The following MAP3K5 variants were observed in gnomAD, a reference collection of about 807,000 sequenced individuals.
MAP3K5 encodes mitogen-activated protein kinase kinase kinase 5, also known as ASK-1.
In MAP3K5, 56 loss-of-function variants were observed where a neutral mutation model predicts 158.7. That is an observed-to-expected ratio of 0.35 (90% confidence interval 0.28 to 0.44). MAP3K5 has a LOEUF of 0.44. Ranked by LOEUF, MAP3K5 falls within the 20% of genes least tolerant of loss-of-function variation. The pLI is 1.00. For synonymous variants in MAP3K5, 579 were observed against 601.7 expected, an observed-to-expected ratio of 0.96 and a Z score of 0.55; for missense variants, 1,294 against 1,674.8, an observed-to-expected ratio of 0.77 and a Z score of 3.97.
At chr6:136,674,433 G>C (rs891267487) in intron 7 of MAP3K5, among the ~76,000 whole-genome samples, 2 of 151,944 alleles carry the variant, frequency 1.3e-5, no homozygotes, top group African/African-American at 4.8e-5. Flanking sequence ...GTAATCTCTA[G>C]GGAATACTCA....
chr6:136,783,300 A>G (rs1784697279), intron 1 of MAP3K5, among the ~76,000 whole-genome samples: 1 of 148,694 alleles, frequency 6.7e-6, no homozygotes, highest in Non-Finnish European at 1.5e-5. Flanking sequence ...ACCCACAACT[A>G]CACAAACCAA....
chr6:136,668,227 T>C (rs1779313274), intron 8 of MAP3K5, among the ~76,000 whole-genome samples: 1 of 151,862 alleles, frequency 6.6e-6, no homozygotes, highest in African/African-American at 2.4e-5. Flanking sequence ...AAAAAAAAAT[T>C]TTTTTAATTA....
At position 136,659,007 on chromosome 6, in the gene MAP3K5, A is replaced by C. The variant is rs560355561; in HGVS notation, c.1526+212T>G. On this transcript the variant is annotated intron_variant, in intron 9 of 29. Coordinates refer to ENST00000359015, the MANE Select transcript of MAP3K5 (RefSeq NM_005923.4). ...CAGTGGGTTGGTCAATGTGCAGGAG[A>C]GGCTAAGTCAGGAACCTGCTGACAT... 1.9e-3 allele frequency among the ~76,000 whole-genome samples: 286 copies of C among 152,344 alleles called. 8 individuals carry two copies. The South Asian group carries it at 0.056, about 30-fold the overall frequency.
intron 13 of MAP3K5, 45 bp downstream of exon 13, chr6:136,639,498 A>G: frequency 9.6e-7 from 1 of 1,042,826 alleles, no homozygotes; most frequent in Non-Finnish European, 1.4e-6. Context: ...GAAAATAATG[A>G]TCAGGTAAGA....
intron 7 of MAP3K5, among the ~76,000 whole-genome samples, chr6:136,689,143 T>A (rs1389254551): frequency 6.6e-6 from 1 of 151,502 alleles, no homozygotes; most frequent in Non-Finnish European, 1.5e-5. Flanking sequence ...CTGCAAAAAA[T>A]TCAAAAATTA....
intron 25 of MAP3K5, among the ~76,000 whole-genome samples, chr6:136,570,233 G>C (rs542806763): frequency 1.5e-3 from 227 of 152,200 alleles, no homozygotes; most frequent in African/African-American, 5.0e-3. Flanking sequence ...AAATCCTCTA[G>C]GTACCTTTTT....
At chr6:136,594,017 A>G (rs1307060225) in intron 21 of MAP3K5, among the ~76,000 whole-genome samples, 1 of 152,190 alleles carries the variant, frequency 6.6e-6, no homozygotes, top group African/African-American at 2.4e-5. Flanking sequence ...CAGTAACTGG[A>G]AAGTCTCCCC....
intron 1 of MAP3K5, among the ~76,000 whole-genome samples, chr6:136,771,791 C>A (rs757462464): frequency 6.6e-6 from 1 of 152,230 alleles, no homozygotes; most frequent in Non-Finnish European, 1.5e-5. Context: ...GCCTACCCTG[C>A]AGCAGCTCTA....
At chr6:136,761,287 T>TAA (rs745482361) in intron 1 of MAP3K5, among the ~76,000 whole-genome samples, 38 of 68,170 alleles carry the variant, frequency 5.6e-4, no homozygotes, top group Non-Finnish European at 9.4e-4. Flanking sequence ...GACCCTAACT[T>TAA]TAAAAAAAAA....
At chr6:136,655,177 A>G (rs1778690335) in intron 10 of MAP3K5, among the ~76,000 whole-genome samples, 1 of 152,208 alleles carries the variant, frequency 6.6e-6, no homozygotes, top group Non-Finnish European at 1.5e-5. Flanking sequence ...GTTTCCTTTC[A>G]TAGCCAGTTT....
chr6:136,760,778 T>C (rs914080616), intron 1 of MAP3K5, among the ~76,000 whole-genome samples: 3 of 152,162 alleles, frequency 2.0e-5, no homozygotes, highest in African/African-American at 4.8e-5. Flanking sequence ...CAGACCAGGC[T>C]GGTCAATGTG....
chr6:136,632,388 A>T (rs926188814), intron 14 of MAP3K5, among the ~76,000 whole-genome samples: 9 of 152,104 alleles, frequency 5.9e-5, no homozygotes, highest in African/African-American at 2.2e-4. Context: ...ATGGTGGTGC[A>T]TGCCTGTAGT....
At position 136,660,204 on chromosome 6, in the gene MAP3K5, T is replaced by A. The variant is rs1778945286; in HGVS notation, c.1367-826A>T. Among the ~76,000 whole-genome samples the A allele has an allele frequency of 5.3e-5, 8 of 152,274 alleles. No individual in the cohort carries two copies. In the South Asian group the frequency reaches 1.7e-3, roughly 32 times the overall value. ...ATACAGTATATATATTTCGCAAGAATAAAATGCTATAATAACTTTAGACAC... is the reference window on the plus strand; with the variant it reads ...ATACAGTATATATATTTCGCAAGAAAAAAATGCTATAATAACTTTAGACAC... On this transcript the variant is annotated intron_variant, in intron 8 of 29. Coordinates refer to ENST00000359015, the MANE Select transcript of MAP3K5 (RefSeq NM_005923.4).
intron 13 of MAP3K5, among the ~76,000 whole-genome samples, chr6:136,639,268 T>C (rs1449880447): frequency 6.6e-6 from 1 of 152,156 alleles, no homozygotes; most frequent in Non-Finnish European, 1.5e-5. Flanking sequence ...ACTTAAAATA[T>C]GAGTTATAAT....
intron 2 of MAP3K5, among the ~76,000 whole-genome samples, chr6:136,714,841 G>A (rs551478665): frequency 6.6e-6 from 1 of 152,058 alleles, no homozygotes; most frequent in Non-Finnish European, 1.5e-5. Flanking sequence ...ATTTTGGTTT[G>A]TGCACCTAAG....
At chr6:136,753,744 T>C (rs1783326314) in intron 1 of MAP3K5, among the ~76,000 whole-genome samples, 1 of 152,136 alleles carries the variant, frequency 6.6e-6, no homozygotes, top group Non-Finnish European at 1.5e-5. Context: ...AGGTAGCTTA[T>C]CATCATAAAT....
intron 21 of MAP3K5, among the ~76,000 whole-genome samples, chr6:136,596,103 G>A (rs1038322752): frequency 5.3e-5 from 8 of 152,166 alleles, no homozygotes; most frequent in African/African-American, 1.7e-4. Flanking sequence ...TAAAGTAAAG[G>A]ATGACATAAT....
intron 2 of MAP3K5, among the ~76,000 whole-genome samples, chr6:136,707,424 C>A (rs994374652): frequency 3.9e-5 from 6 of 152,114 alleles, no homozygotes; most frequent in Non-Finnish European, 7.3e-5. Context: ...AAAGGCAAAG[C>A]CCGAAGGTGA....
chr6:136,764,557 A>G (rs1014802048), intron 1 of MAP3K5, among the ~76,000 whole-genome samples: 1 of 152,168 alleles, frequency 6.6e-6, no homozygotes, highest in Non-Finnish European at 1.5e-5. Context: ...AACCAAGTTT[A>G]TGTGAAACAG....
Sources: allele counts gnomAD v4.1 joint callset (sites outside exome capture counted in the v4.1 genomes callset), GRCh38; gene constraint gnomAD v4.1.1; transcripts MANE v1.5; gene names NCBI Gene and HGNC (gene_info 2026-07-23, HGNC 2026-07-21).